The following OSTF1 variants were observed in gnomAD, a reference collection of about 807,000 sequenced individuals.
OSTF1 encodes osteoclast-stimulating factor 1.
Under a neutral mutation model 37.2 loss-of-function variants are expected in OSTF1, and 27 were observed. The ratio of observed to expected loss-of-function variants is 0.73; its 90% CI spans 0.54 to 1.00. The LOEUF (loss-of-function observed/expected upper bound fraction) is 1.00. Ranked by LOEUF, OSTF1 falls within the 50% of genes least tolerant of loss-of-function variation. OSTF1 has a pLI of 0.00. For synonymous variants in OSTF1, 82 were observed against 89.2 expected (o/e 0.92, Z 0.46); for missense variants, 232 against 253.8 (o/e 0.91, Z 0.58).
chr9:75,108,218 GTC>G (rs2118460644), intron 1 of OSTF1, among the ~76,000 whole-genome samples: 1 of 151,678 alleles, frequency 6.6e-6, no homozygotes, highest in South Asian at 2.1e-4. Flanking sequence ...GTGAGACCCT[GTC>G]TCTCAAATAA....
intron 1 of OSTF1, among the ~76,000 whole-genome samples, chr9:75,094,868 A>G (rs1825044752): frequency 6.6e-6 from 1 of 151,788 alleles, no homozygotes; most frequent in Non-Finnish European, 1.5e-5. Context: ...ACATGGTGAA[A>G]CCTTTTCTGT....
At chr9:75,123,665 C>T (rs987036755) in intron 2 of OSTF1, among the ~76,000 whole-genome samples, 18 of 152,196 alleles carry the variant, frequency 1.2e-4, no homozygotes, top group African/African-American at 4.1e-4. Flanking sequence ...TGTACTGCCA[C>T]CAACACTGTG....
intron 5 of OSTF1, among the ~76,000 whole-genome samples, chr9:75,132,814 G>A (rs888980095): frequency 3.9e-5 from 6 of 152,196 alleles, no homozygotes; most frequent in African/African-American, 7.2e-5. Context: ...TATAAGAGCA[G>A]CAGCTTTGAG....
intron 2 of OSTF1, among the ~76,000 whole-genome samples, chr9:75,121,165 C>T (rs954642850): frequency 1.3e-5 from 2 of 152,192 alleles, no homozygotes; most frequent in Non-Finnish European, 2.9e-5. Flanking sequence ...AATAATAGTC[C>T]CACCAGGTTT....
intron 1 of OSTF1, among the ~76,000 whole-genome samples, chr9:75,090,630 C>G (rs1458879020): frequency 6.6e-6 from 1 of 151,926 alleles, no homozygotes; most frequent in Admixed American, 6.6e-5. Flanking sequence ...AGAAACATTA[C>G]TGCCAATCAG....
chr9:75,121,537 C>G (rs1228162675), intron 2 of OSTF1, among the ~76,000 whole-genome samples: 1 of 152,194 alleles, frequency 6.6e-6, no homozygotes, highest in Non-Finnish European at 1.5e-5. Flanking sequence ...CTGTTCAGCT[C>G]CGTTCAATTC....
intron 2 of OSTF1, among the ~76,000 whole-genome samples, chr9:75,123,593 ATGGAAAATGTGAATAT>A (rs962375246): frequency 2.0e-5 from 3 of 152,240 alleles, no homozygotes; most frequent in Admixed American, 2.0e-4. Context: ...TGGTTTCTTA[ATGGAAAATGTGAATAT>A]TGCAGGTGAA....
chr9:75,096,810 T>A (rs376235136), intron 1 of OSTF1, among the ~76,000 whole-genome samples: 1 of 152,194 alleles, frequency 6.6e-6, no homozygotes, highest in Non-Finnish European at 1.5e-5. Context: ...AAGAAGCCCC[T>A]CTAGGTTTTA....
At chr9:75,091,678 A>G (rs182126465) in intron 1 of OSTF1, among the ~76,000 whole-genome samples, 42 of 152,320 alleles carry the variant, frequency 2.8e-4, no homozygotes, top group Admixed American at 4.6e-4. Flanking sequence ...TTCCAAAAGG[A>G]CTTCTAAAAA....
intron 6 of OSTF1, 126 bp downstream of exon 6, chr9:75,133,527 G>A (rs892515191): frequency 2.8e-5 from 17 of 609,862 alleles, no homozygotes; most frequent in East Asian, 1.7e-4. Flanking sequence ...TTAGAATACC[G>A]GCCAAAACCC....
chr9:75,094,348 C>T (rs577298340), intron 1 of OSTF1, among the ~76,000 whole-genome samples: 15 of 150,300 alleles, frequency 1.0e-4, no homozygotes, highest in African/African-American at 2.0e-4. Flanking sequence ...TAATGTAAAA[C>T]GCTTTGATAC....
chr9:75,099,264 CTT>C (rs113012001), intron 1 of OSTF1, among the ~76,000 whole-genome samples: 10 of 141,734 alleles, frequency 7.1e-5, no homozygotes, highest in African/African-American at 7.6e-5. Context: ...TGATAAATGG[CTT>C]TTTTTTTTTT....
chr9:75,139,027 C>CTTCTTTCTTTCTTTCTTTCT (rs201231543), intron 8 of OSTF1, among the ~76,000 whole-genome samples: 8,916 of 120,458 alleles, frequency 0.074, 882 homozygotes, highest in Non-Finnish European at 0.11. Flanking sequence ...TTTGGGGACA[C>CTTCTTTCTTTCTTTCTTTCT]TTCTTTCTTT....
At chr9:75,103,829 C>T (rs941257329) in intron 1 of OSTF1, among the ~76,000 whole-genome samples, 4 of 152,182 alleles carry the variant, frequency 2.6e-5, no homozygotes, top group African/African-American at 9.6e-5. Context: ...TAGACAAGGT[C>T]TTGTTGTGTT....
At chr9:75,096,364 C>T (rs1193990634) in intron 1 of OSTF1, among the ~76,000 whole-genome samples, 2 of 152,050 alleles carry the variant, frequency 1.3e-5, no homozygotes, top group Admixed American at 1.3e-4. Context: ...CTTTAGCATC[C>T]CTTATAATTG....
chr9:75,136,291 G>A (rs763736921), intron 7 of OSTF1, among the ~76,000 whole-genome samples: 2 of 152,050 alleles, frequency 1.3e-5, no homozygotes, highest in Non-Finnish European at 2.9e-5. Flanking sequence ...GCTCTTCACT[G>A]TACTGTGTTT....
chr9:75,141,312 C>CA lies in OSTF1; in HGVS notation c.586+407dup, dbSNP rs529293090. Among the ~76,000 whole-genome samples, 262 of 71,680 alleles carry CA rather than the reference C, an allele frequency of 3.7e-3. 4 individuals are homozygous for CA. The highest frequency in any genetic ancestry group is 0.016 in the East Asian group (31 of 1,880). 47.0% of individuals were successfully genotyped at this position (71,680 alleles called of 152,430 possible). A position where few individuals can be genotyped will look rare whatever the true frequency, so the allele number is the denominator to read the frequency against. ...AGACCATATCTCAAAAAAAGAAAAC[C>CA]AAAAAAAAAAAAAAAAAAAAAAAAA... On this transcript the variant is annotated intron_variant, in intron 9 of 9. Transcript: ENST00000346234.
At position 75,133,223 on chromosome 9, in the gene OSTF1, A is replaced by G. The variant is rs572219792; in HGVS notation, c.251-71A>G. On this transcript the variant is annotated intron_variant, in intron 5 of 9. Transcript: ENST00000346234. ...CAAATGGAAATTTATGCAGAATGAC[A>G]TTGATTTAAAAGCAAAATAAAAAGT... 1.9e-5 allele frequency: 18 copies of G among 931,322 alleles called. No individual in the cohort carries two copies. In the Admixed American group the frequency reaches 2.6e-4, roughly 14 times the overall value. 57.7% of individuals were successfully genotyped at this position (931,322 alleles called of 1,614,324 possible).
intron 2 of OSTF1, 125 bp downstream of exon 2, chr9:75,117,675 A>G (rs1157863239): frequency 5.6e-6 from 4 of 719,652 alleles, no homozygotes; most frequent in Admixed American, 4.8e-5. Flanking sequence ...TCAGGAATGG[A>G]TGTTGGGTCC....
Sources: allele counts gnomAD v4.1 joint callset (sites outside exome capture counted in the v4.1 genomes callset), GRCh38; gene constraint gnomAD v4.1.1; transcripts MANE v1.5; gene names NCBI Gene and HGNC (gene_info 2026-07-23, HGNC 2026-07-21).